AP4E1: variants seen among roughly 807,000 people sequenced by gnomAD.
AP4E1 encodes the protein adaptor related protein complex 4 subunit epsilon 1, also known as AP-4 complex subunit epsilon-1.
In AP4E1, 56 loss-of-function variants were observed where a neutral mutation model predicts 128.2. That is an observed-to-expected ratio of 0.44 (90% confidence interval 0.35 to 0.55). The LOEUF (loss-of-function observed/expected upper bound fraction) is 0.55. Ranked by LOEUF, AP4E1 falls within the 20% of genes least tolerant of loss-of-function variation. AP4E1 has a pLI of 0.00. For synonymous variants in AP4E1, 484 were observed against 473.1 expected (o/e 1.02, Z -0.30); for missense variants, 1,324 against 1,307.7 (o/e 1.01, Z -0.19).
intron 16 of AP4E1, among the ~76,000 whole-genome samples, chr15:50,990,799 GAGGCTCCTTTT>G (rs1367813713): frequency 3.0e-4 from 46 of 152,272 alleles, no homozygotes; most frequent in Admixed American, 2.9e-3. Context: ...AAAATAGTTT[GAGGCTCCTTTT>G]AGGCTCCTTT....
rs779094838 is a variant in AP4E1 at position 50,997,416 on chromosome 15, A to G, written c.2437A>G (p.Met813Val). The change falls in exon 18 of 21, where the codon ATG becomes GTG. Residue 813 changes from methionine to valine, a missense_variant. Transcript: ENST00000261842. The part of the protein sequence containing the change: ...KSGETTSTHN[M>V]TCSSFSSLSN... ...TGGCGAAACAACCAGTACTCATAAT[A>G]TGACCTGTTCTTCCTTTAGTTCTTT... 3.2e-5 allele frequency: 51 copies of G among 1,613,170 alleles called. No homozygotes were observed. The highest frequency in any genetic ancestry group is 4.0e-5 in the Non-Finnish European group (47 of 1,179,670).
intron 1 of AP4E1, 67 bp downstream of exon 1, chr15:50,908,995 C>G: frequency 1.3e-6 from 2 of 1,594,258 alleles, no homozygotes; most frequent in Non-Finnish European, 1.7e-6. Context: ...GAGGCCCTGG[C>G]CGGGCGGCGA....
At chr15:50,911,461 ACT>A (rs1014546102) in intron 1 of AP4E1, among the ~76,000 whole-genome samples, 2 of 140,446 alleles carry the variant, frequency 1.4e-5, no homozygotes, top group African/African-American at 5.3e-5. Context: ...GAGAATTTCT[ACT>A]CTCTCTCCAC....
chr15:50,947,966 T>G, intron 10 of AP4E1, 54 bp from the exon 11 acceptor site: 12 of 1,336,030 alleles, frequency 9.0e-6, no homozygotes, highest in Non-Finnish European at 1.3e-5. Context: ...ACTGTACTCA[T>G]TGGTGTTATG....
At position 50,949,892 on chromosome 15, in the gene AP4E1, A is replaced by T. The variant is rs142229425; in HGVS notation, c.1383A>T (p.Val461=). ...CTGTGTTTTCAGTAGGAGGAGATGT[A>T]ATGCATCCTGATATTCCCAATAACT... ...MNAVFSVGGD[V]MHPDIPNNFL... is the part of the protein sequence containing the mutation. Residue 461 remains valine (V), a synonymous_variant, in exon 12 of 21, where the codon GTA becomes GTT. Transcript: ENST00000261842. 1.2e-6 allele frequency: 2 copies of T among 1,613,718 alleles called. No individual in the cohort carries two copies. The highest frequency in any genetic ancestry group is 8.5e-7 in the Non-Finnish European group (1 of 1,179,828).
intron 15 of AP4E1, 105 bp downstream of exon 15, chr15:50,968,482 C>G (rs2140893973): frequency 1.1e-6 from 1 of 901,084 alleles, no homozygotes; most frequent in South Asian, 1.6e-5. Flanking sequence ...TATTATTTCT[C>G]TTTAATGATT....
At chr15:50,927,767 A>C (rs977641906) in intron 5 of AP4E1, among the ~76,000 whole-genome samples, 1 of 152,104 alleles carries the variant, frequency 6.6e-6, no homozygotes, top group Non-Finnish European at 1.5e-5. Flanking sequence ...CTTATTAAGA[A>C]TCTTATAAAA....
chr15:50,977,901 C>T (rs1008992057), intron 15 of AP4E1, among the ~76,000 whole-genome samples: 1 of 151,620 alleles, frequency 6.6e-6, no homozygotes, highest in Admixed American at 6.6e-5. Flanking sequence ...GTAGCGATGA[C>T]GTTTCACCTG....
At chr15:50,917,233 T>A (rs994113030) in intron 3 of AP4E1, among the ~76,000 whole-genome samples, 2 of 152,222 alleles carry the variant, frequency 1.3e-5, no homozygotes, top group Admixed American at 6.5e-5. Flanking sequence ...AACTTCATCC[T>A]TTTCGTTTCT....
In AP4E1 at chr15:50,922,768, CT is replaced by C. The variant is rs535959656; in HGVS notation, c.347-1156del. Among the ~76,000 whole-genome samples the C allele has an allele frequency of 3.8e-3, 576 of 149,662 alleles. 6 individuals carry two copies. Among genetic ancestry groups the C allele is most frequent in the African/African-American group, 0.014 (559 of 41,142 alleles). ...GATAGATTGGACCTTGAGAAATTGC[CT>C]TTTTTTGGGTCTCTTTTTTTTTTTT... On this transcript the variant is annotated intron_variant, in intron 3 of 20. Transcript: ENST00000261842.
Position 50,941,785 on chromosome 15 carries a change from T to A in AP4E1, c.1176+10T>A, listed in dbSNP as rs760668158. 5.7e-6 allele frequency: 9 copies of A among 1,588,452 alleles called. No homozygotes were observed. In the African/African-American group the frequency reaches 1.1e-4, roughly 19 times the overall value. ...CATTATTAAAAGAGAGGTAAACTGG[T>A]ATTTTGAATAGTATATGTGAAGTGT... On this transcript the variant is annotated intron_variant, in intron 10 of 20. Coordinates refer to ENST00000261842, the MANE Select transcript of AP4E1 (RefSeq NM_007347.5).
At chr15:50,932,281 AT>A (rs915135472) in intron 7 of AP4E1, among the ~76,000 whole-genome samples, 1 of 151,982 alleles carries the variant, frequency 6.6e-6, no homozygotes, top group African/African-American at 2.4e-5. Context: ...CCCGGCCTCA[AT>A]TTTGCCCTAC....
chr15:50,981,715 A>G (rs2140911667), intron 15 of AP4E1, among the ~76,000 whole-genome samples: 1 of 152,344 alleles, frequency 6.6e-6, no homozygotes, highest in Non-Finnish European at 1.5e-5. Context: ...GTGAGACCTA[A>G]TAAGAGGTGA....
At chr15:50,922,633 G>A (rs1005375842) in intron 3 of AP4E1, among the ~76,000 whole-genome samples, 1 of 152,148 alleles carries the variant, frequency 6.6e-6, no homozygotes, top group African/African-American at 2.4e-5. Context: ...AATGAGCATG[G>A]AGTCAGGGAA....
chr15:50,931,870 G>T (rs1227017313), intron 7 of AP4E1, among the ~76,000 whole-genome samples: 1 of 152,136 alleles, frequency 6.6e-6, no homozygotes, highest in African/African-American at 2.4e-5. Flanking sequence ...CTGGTTGGGT[G>T]TGAGTGCTTC....
At chr15:50,990,665 A>G (rs1397073459) in intron 16 of AP4E1, among the ~76,000 whole-genome samples, 2 of 152,158 alleles carry the variant, frequency 1.3e-5, no homozygotes, top group Non-Finnish European at 2.9e-5. Flanking sequence ...TACAGGTGTG[A>G]GCTACTGCAC....
intron 16 of AP4E1, among the ~76,000 whole-genome samples, chr15:50,987,892 C>T (rs1036072440): frequency 1.3e-5 from 2 of 152,060 alleles, no homozygotes; most frequent in Non-Finnish European, 2.9e-5. Context: ...AAGAGCTTAT[C>T]TACCTTCCAA....
At chr15:50,924,601 A>G (rs1194770769) in intron 4 of AP4E1, among the ~76,000 whole-genome samples, 1 of 152,148 alleles carries the variant, frequency 6.6e-6, no homozygotes, top group African/African-American at 2.4e-5. Context: ...TACTATATTA[A>G]GGTTACTAGT....
intron 11 of AP4E1, among the ~76,000 whole-genome samples, chr15:50,948,617 G>A (rs572608874): frequency 3.9e-5 from 6 of 152,220 alleles, no homozygotes; most frequent in Non-Finnish European, 8.8e-5. Context: ...TCTTCTTCAT[G>A]TTTGTTTCTT....
Sources: allele counts gnomAD v4.1 joint callset (sites outside exome capture counted in the v4.1 genomes callset), GRCh38; gene constraint gnomAD v4.1.1; transcripts MANE v1.5; gene names NCBI Gene and HGNC (gene_info 2026-07-23, HGNC 2026-07-21).